CTDSPL2: variants seen among roughly 807,000 people sequenced by gnomAD.
The protein encoded by CTDSPL2 is CTD small phosphatase like 2, also known as CTD small phosphatase-like protein 2.
In CTDSPL2, 5 loss-of-function variants were observed where a neutral mutation model predicts 60.0. That is an observed-to-expected ratio of 0.08 (90% confidence interval 0.04 to 0.18). The LOEUF is 0.18. CTDSPL2 is among the 10% of genes least tolerant of loss of function. The pLI is 1.00. For synonymous variants in CTDSPL2, 186 were observed against 189.3 expected (o/e 0.98, Z 0.14); for missense variants, 370 against 548.8 (o/e 0.67, Z 3.26).
intron 1 of CTDSPL2, among the ~76,000 whole-genome samples, chr15:44,451,535 T>C (rs900916260): frequency 1.3e-5 from 2 of 152,248 alleles, no homozygotes; most frequent in Admixed American, 6.5e-5. Context: ...TAATTACATA[T>C]ATCTCTCACT....
At chr15:44,521,954 A>AAC (rs2081782617) in intron 12 of CTDSPL2, among the ~76,000 whole-genome samples, 1 of 149,952 alleles carries the variant, frequency 6.7e-6, no homozygotes, top group Non-Finnish European at 1.5e-5. Flanking sequence ...AAAAAAAAAA[A>AAC]AAAAAAAAAC....
rs201905722 is a variant in CTDSPL2, at chr15:44,484,409, C to G, written c.325+47C>G. On this transcript the variant is annotated intron_variant, in intron 3 of 12. Transcript: ENST00000260327. ...GTTTTATTTAGGTGTAAGCAGAGAT[C>G]TCACCTGACACATTTCTTATCTATT... 1.3e-5 allele frequency: 20 copies of G among 1,524,338 alleles called. No homozygotes were observed. In the South Asian group the frequency reaches 2.3e-4, roughly 17 times the overall value. The allele number at this position is 1,524,338 out of a possible 1,614,324, so 94.4% of individuals were successfully genotyped here.
intron 1 of CTDSPL2, among the ~76,000 whole-genome samples, chr15:44,452,764 G>A (rs2080357393): frequency 6.6e-6 from 1 of 151,466 alleles, no homozygotes; most frequent in Admixed American, 6.6e-5. Flanking sequence ...ATACCTTTGG[G>A]GTTTTAACTT....
intron 1 of CTDSPL2, among the ~76,000 whole-genome samples, chr15:44,440,685 C>G (rs1183858531): frequency 6.6e-6 from 1 of 151,400 alleles, no homozygotes; most frequent in Non-Finnish European, 1.5e-5. Context: ...ATCTTGATTT[C>G]TGGTCTGTTG....
At chr15:44,485,641 T>G (rs1208802771) in intron 3 of CTDSPL2, among the ~76,000 whole-genome samples, 1 of 152,186 alleles carries the variant, frequency 6.6e-6, no homozygotes, top group East Asian at 1.9e-4. Flanking sequence ...GCGGCCCAGT[T>G]CCTAATAGGC....
intron 7 of CTDSPL2, 114 bp downstream of exon 7, chr15:44,497,252 CA>C: frequency 3.4e-6 from 2 of 584,030 alleles, no homozygotes; most frequent in Non-Finnish European, 6.0e-6. Context: ...CCTGAAGGAC[CA>C]AAAATAATTT....
rs886463524 is a variant in CTDSPL2 at position 44,470,097 on chromosome 15, C to CAA, written c.186+10920_186+10921dup. Among the ~76,000 whole-genome samples, 185 of 53,452 alleles carry CAA rather than the reference C, an allele frequency of 3.5e-3. 3 individuals carry two copies. Among genetic ancestry groups the CAA allele is most frequent in the South Asian group, 4.8e-3 (7 of 1,448 alleles). The allele number at this position is 53,452 out of a possible 152,430, so 35.1% of individuals were successfully genotyped here. On this transcript the variant is annotated intron_variant, in intron 2 of 12. Coordinates refer to ENST00000260327, the MANE Select transcript of CTDSPL2 (RefSeq NM_016396.3). ...TGGGCGACAGAGCGAGACTCTGTCT[C>CAA]AAAAAAAAAAAAAAAAAAAAAAAAT...
intron 10 of CTDSPL2, among the ~76,000 whole-genome samples, chr15:44,515,964 C>G (rs2081646289): frequency 6.6e-6 from 1 of 150,396 alleles, no homozygotes; most frequent in Non-Finnish European, 1.5e-5. Flanking sequence ...CTCTCTCTTT[C>G]TCTATTTCTT....
chr15:44,499,881 T>A lies in CTDSPL2; in HGVS notation c.969+68T>A, dbSNP rs150176395. On this transcript the variant is annotated intron_variant, in intron 8 of 12. Transcript: ENST00000260327. ...ATTCTGATAAAAAAAACTTTTGTAT[T>A]TTTTTTGTGTGTATGTGACATTAAA... 5.9e-6 allele frequency: 5 copies of A among 848,952 alleles called. No individual in the cohort carries two copies. In the East Asian group the frequency reaches 9.9e-5, roughly 17 times the overall value. 52.6% of individuals were successfully genotyped at this position (848,952 alleles called of 1,614,324 possible).
intron 8 of CTDSPL2, 85 bp from the exon 9 acceptor site, chr15:44,514,513 C>T: frequency 1.2e-6 from 1 of 809,476 alleles, no homozygotes; most frequent in Non-Finnish European, 2.1e-6. Context: ...TCATTATAAT[C>T]AAAGTTAGAA....
chr15:44,473,552 C>T (rs2140748100), intron 2 of CTDSPL2, among the ~76,000 whole-genome samples: 2 of 152,240 alleles, frequency 1.3e-5, no homozygotes, highest in South Asian at 2.1e-4. Context: ...GCCCCGGCCT[C>T]CCAAAGTGCT....
At chr15:44,435,821 G>A (rs189424348) in intron 1 of CTDSPL2, among the ~76,000 whole-genome samples, 1 of 152,018 alleles carries the variant, frequency 6.6e-6, no homozygotes, top group Admixed American at 6.5e-5. Context: ...TGGCCAGGCT[G>A]GTCTCGAACT....
chr15:44,460,862 T>C (rs1303605081), intron 2 of CTDSPL2, among the ~76,000 whole-genome samples: 1 of 152,216 alleles, frequency 6.6e-6, no homozygotes, highest in Non-Finnish European at 1.5e-5. Flanking sequence ...AATTTCCATC[T>C]CTATAAATTC....
chr15:44,456,148 C>A (rs2080435009), intron 1 of CTDSPL2, among the ~76,000 whole-genome samples: 1 of 152,066 alleles, frequency 6.6e-6, no homozygotes, highest in Non-Finnish European at 1.5e-5. Context: ...CCGCGCCCGG[C>A]CTTTATTGAG....
At chr15:44,486,523 C>T in intron 3 of CTDSPL2, 28 bp from the exon 4 acceptor site, 1 of 1,477,276 alleles carries the variant, frequency 6.8e-7, no homozygotes, top group Non-Finnish European at 9.1e-7. Context: ...TTTTCTAGAT[C>T]ATGACTTTTT....
intron 2 of CTDSPL2, among the ~76,000 whole-genome samples, chr15:44,471,005 T>C (rs1220207746): frequency 6.6e-6 from 1 of 152,212 alleles, no homozygotes; most frequent in African/African-American, 2.4e-5. Context: ...CTGACAGATT[T>C]ATGCACATGA....
chr15:44,453,660 G>A (rs1269538947), intron 1 of CTDSPL2, among the ~76,000 whole-genome samples: 1 of 146,522 alleles, frequency 6.8e-6, no homozygotes, highest in Non-Finnish European at 1.5e-5. Context: ...CCACCTATGA[G>A]TGAGAACATG....
At chr15:44,448,355 G>A (rs562753847) in intron 1 of CTDSPL2, 4 of 255,728 alleles carry the variant, frequency 1.6e-5, no homozygotes, top group East Asian at 1.1e-4. Flanking sequence ...AAGCCCATGC[G>A]GTCCATGACC....
chr15:44,498,243 T>G (rs756231578), intron 7 of CTDSPL2, among the ~76,000 whole-genome samples: 3 of 152,204 alleles, frequency 2.0e-5, no homozygotes, highest in Non-Finnish European at 4.4e-5. Context: ...AATATTTTAT[T>G]ATTAAGCATT....
Sources: gnomAD v4.1 joint callset for allele counts (sites outside exome capture counted in the v4.1 genomes callset) on GRCh38, gnomAD v4.1.1 for gene constraint, MANE v1.5 for transcripts, NCBI Gene and HGNC (gene_info 2026-07-23, HGNC 2026-07-21) for gene names.